Variants in FMNL3 observed in about 807,000 individuals in gnomAD.
FMNL3 encodes formin like 3.
A neutral mutation model predicts 119.6 loss-of-function variants in FMNL3; 57 were observed. That is an observed-to-expected ratio of 0.48 (90% CI 0.39 to 0.59). The LOEUF is 0.59. Ranked by LOEUF, FMNL3 falls within the 20% of genes least tolerant of loss-of-function variation. The pLI is 0.00. For synonymous variants in FMNL3, 491 were observed against 507.3 expected, an observed-to-expected ratio of 0.97 and a Z score of 0.43; for missense variants, 1,053 against 1,323.5, an observed-to-expected ratio of 0.80 and a Z score of 3.17.
At chr12:49,654,648 G>C (rs1943515001) in intron 10 of FMNL3, among the ~76,000 whole-genome samples, 1 of 152,044 alleles carries the variant, frequency 6.6e-6, no homozygotes, top group African/African-American at 2.4e-5. Context: ...AGGAAAGGGA[G>C]GGCAGCTCAA....
At chr12:49,680,374 G>A (rs2138942765) in intron 1 of FMNL3, among the ~76,000 whole-genome samples, 1 of 152,364 alleles carries the variant, frequency 6.6e-6, no homozygotes, top group South Asian at 2.1e-4. Context: ...TATCAGCTAG[G>A]GAGAGGCTCT....
intron 1 of FMNL3, among the ~76,000 whole-genome samples, chr12:49,677,521 A>G (rs564067164): frequency 6.6e-6 from 1 of 152,370 alleles, no homozygotes; most frequent in African/African-American, 2.4e-5. Context: ...ATAAGTTAAT[A>G]TATGTAAAGC....
At position 49,636,776 on chromosome 12, in the gene FMNL3, A is replaced by G. The variant is rs748346733; in HGVS notation, c.*9039T>C. ...GAGCACATCCGAGCTTTGGAGAGGGAAGAGGAGGAGGAACGGGAGCGGGCC... is the reference window on the plus strand; with the variant it reads ...GAGCACATCCGAGCTTTGGAGAGGGGAGAGGAGGAGGAACGGGAGCGGGCC... On this transcript the variant is annotated 3_prime_UTR_variant, in exon 26 of 26. Transcript: ENST00000335154. The G allele has an allele frequency of 2.5e-6, 4 of 1,614,172 alleles. No homozygotes were observed. The South Asian group carries it at 4.4e-5, about 18-fold the overall frequency.
At chr12:49,663,201 C>A (rs182400975) in intron 4 of FMNL3, among the ~76,000 whole-genome samples, 21 of 152,356 alleles carry the variant, frequency 1.4e-4, no homozygotes, top group African/African-American at 4.8e-4. Flanking sequence ...CTCCCCACCC[C>A]CTTCTCATTT....
At chr12:49,703,580 G>A (rs1310994996) in intron 1 of FMNL3, among the ~76,000 whole-genome samples, 2 of 152,050 alleles carry the variant, frequency 1.3e-5, no homozygotes, top group Non-Finnish European at 2.9e-5. Context: ...ATCCCATCCA[G>A]AGGGGACTGA....
Position 49,636,925 on chromosome 12 carries a change from C to T in FMNL3, c.*8890G>A. On this transcript the variant is annotated 3_prime_UTR_variant, in exon 26 of 26. Coordinates refer to ENST00000335154, the MANE Select transcript of FMNL3 (RefSeq NM_175736.5). ...AACCTCTTCACCCATTCCCTGCCCC[C>T]TTCTGGATACGCTGCCTGTTCTTTC... is the stretch of plus-strand genomic sequence containing the variant. 1 of 1,597,108 alleles carries T rather than the reference C, an allele frequency of 6.3e-7. No individual in the cohort carries two copies. The highest frequency in any genetic ancestry group is 2.2e-5 in the East Asian group (1 of 44,694).
chr12:49,683,640 C>A (rs572293419), intron 1 of FMNL3, among the ~76,000 whole-genome samples: 41 of 152,294 alleles, frequency 2.7e-4, no homozygotes, highest in Non-Finnish European at 5.6e-4. Context: ...AGAGCCAAGG[C>A]CTTCCACTCA....
Position 49,641,863 on chromosome 12 carries a change from C to CTCAGGCACGTG in FMNL3, c.*3941_*3951dup, listed in dbSNP as rs1304828180. ...GACCACTCTGCCTGCCAGCTTTGGC[C>CTCAGGCACGTG]TCAGGCACGTGGTGCCCCTGCTTCA... On this transcript the variant is annotated 3_prime_UTR_variant, in exon 26 of 26. Coordinates refer to ENST00000335154, the MANE Select transcript of FMNL3 (RefSeq NM_175736.5). 16 of 1,555,712 alleles carry CTCAGGCACGTG rather than the reference C, an allele frequency of 1.0e-5. No homozygotes were observed. Among genetic ancestry groups the CTCAGGCACGTG allele is most frequent in the African/African-American group, 1.4e-5 (1 of 73,902 alleles).
Position 49,650,875 on chromosome 12 carries a change from G to A in FMNL3, c.1801C>T (p.Leu601=). The A allele has an allele frequency of 6.2e-7, 1 of 1,614,154 alleles. No individual in the cohort carries two copies. Among genetic ancestry groups the A allele is most frequent in the Non-Finnish European group, 8.5e-7 (1 of 1,180,014 alleles). The change falls in exon 17 of 26, where the codon CTG becomes TTG. Residue 601 remains leucine, a synonymous_variant. Coordinates refer to ENST00000335154, the MANE Select transcript of FMNL3 (RefSeq NM_175736.5). ...ELDDEKILED[L]DLDKFEELFK... ...AATTCTTCAAACTTATCAAGATCCA[G>A]GTCCTGGCAGGAATAGGTGAGCAAG...
At chr12:49,690,775 G>T (rs988150571) in intron 1 of FMNL3, among the ~76,000 whole-genome samples, 1 of 152,216 alleles carries the variant, frequency 6.6e-6, no homozygotes, top group Non-Finnish European at 1.5e-5. Context: ...CCCGCAAAAA[G>T]GAAACTATAG....
chr12:49,695,358 T>C (rs1277425777), intron 1 of FMNL3, among the ~76,000 whole-genome samples: 1 of 152,144 alleles, frequency 6.6e-6, no homozygotes, highest in Non-Finnish European at 1.5e-5. Flanking sequence ...AGATTAAGCA[T>C]CTTTTAGAAG....
chr12:49,698,556 C>T (rs1944817271), intron 1 of FMNL3, among the ~76,000 whole-genome samples: 1 of 151,662 alleles, frequency 6.6e-6, no homozygotes, highest in South Asian at 2.1e-4. Flanking sequence ...CATGTCCTCC[C>T]CTACCCAACA....
chr12:49,641,362 G>C lies in FMNL3; in HGVS notation c.*4453C>G, dbSNP rs1942625113. The C allele has an allele frequency of 6.5e-6, 1 of 152,874 alleles. No individual in the cohort carries two copies. Among genetic ancestry groups the C allele is most frequent in the Non-Finnish European group, 1.5e-5 (1 of 68,556 alleles). 9.5% of individuals were successfully genotyped at this position (152,874 alleles called of 1,614,324 possible). A position where few individuals can be genotyped will look rare whatever the true frequency, so the allele number is the denominator to read the frequency against. ...GTTCTTGCCCAGCCGTATATCAGCT[G>C]TGAGACCTTGGGCAAGTGCTCTAGT... is the stretch of plus-strand genomic sequence containing the variant. On this transcript the variant is annotated 3_prime_UTR_variant, in exon 26 of 26. Coordinates refer to ENST00000335154, the MANE Select transcript of FMNL3 (RefSeq NM_175736.5).
At chr12:49,655,111 T>C in intron 9 of FMNL3, 127 bp from the exon 10 acceptor site, 2 of 790,108 alleles carry the variant, frequency 2.5e-6, no homozygotes. Flanking sequence ...GCTCTATATA[T>C]GAAATAGGCC....
At chr12:49,694,838 G>T (rs1009565240) in intron 1 of FMNL3, among the ~76,000 whole-genome samples, 5 of 152,012 alleles carry the variant, frequency 3.3e-5, no homozygotes, top group Admixed American at 1.3e-4. Context: ...CTTGAACCCA[G>T]GCAGCAGAGG....
chr12:49,647,555 C>T lies in FMNL3; in HGVS notation c.2778+148G>A, dbSNP rs1943245424. ...GGGCCCCACCCTGCCCACCAGTTCA[C>T]AGCTAAGAGGCCTGTCACCAGCTTG... On this transcript the variant is annotated intron_variant, in intron 23 of 25. Transcript: ENST00000335154. This position sits in a 1 kb window ranked among gnomAD's most constrained non-coding sequence, Gnocchi z 4.9. The T allele has an allele frequency of 4.4e-6, 4 of 899,320 alleles. No individual in the cohort carries two copies. Among genetic ancestry groups the T allele is most frequent in the East Asian group, 2.5e-5 (1 of 39,376 alleles). 55.7% of individuals were successfully genotyped at this position (899,320 alleles called of 1,614,324 possible).
intron 21 of FMNL3, 78 bp downstream of exon 21, chr12:49,648,951 G>GT: frequency 1.3e-6 from 2 of 1,512,936 alleles, no homozygotes; most frequent in African/African-American, 2.8e-5. Context: ...GGACCCAAGT[G>GT]TTCTCTCTCC....
At chr12:49,660,023 T>C in intron 5 of FMNL3, 7 of 937,322 alleles carry the variant, frequency 7.5e-6, no homozygotes, top group Non-Finnish European at 8.9e-6. Flanking sequence ...CAGGCTTTAG[T>C]GTCCTCATGA....
intron 5 of FMNL3, among the ~76,000 whole-genome samples, chr12:49,660,241 C>T (rs977647483): frequency 1.3e-5 from 2 of 152,180 alleles, no homozygotes; most frequent in African/African-American, 4.8e-5. Flanking sequence ...ACACAAAGTC[C>T]TTCTTTTTTA....
Sources: gnomAD v4.1 joint callset for allele counts (sites outside exome capture counted in the v4.1 genomes callset) on GRCh38, gnomAD v4.1.1 for gene constraint, Gnocchi (gnomAD v3.1) non-coding constraint, MANE v1.5 for transcripts, NCBI Gene and HGNC (gene_info 2026-07-23, HGNC 2026-07-21) for gene names.